Variants in P4HA1 observed in about 807,000 individuals in gnomAD.
P4HA1 encodes prolyl 4-hydroxylase subunit alpha-1.
Under a neutral mutation model 72.8 loss-of-function variants are expected in P4HA1, and 24 were observed. The observed-to-expected ratio is 0.33, with a 90% CI of 0.24 to 0.46. The LOEUF (loss-of-function observed/expected upper bound fraction) is 0.46, where lower values mean the gene tolerates loss of function less well. P4HA1 is among the 20% of genes least tolerant of loss of function. The probability of loss-of-function intolerance (pLI) is 1.00; values close to 1 mark genes in which losing one functional copy is unlikely to be tolerated. For missense variants in P4HA1, 446 were observed against 640.6 expected (o/e 0.70, Z 3.28); for synonymous variants, 201 against 218.8 (o/e 0.92, Z 0.72).
intron 9 of P4HA1, among the ~76,000 whole-genome samples, chr10:73,032,957 G>T (rs1373436038): frequency 6.6e-6 from 1 of 152,062 alleles, no homozygotes; most frequent in Non-Finnish European, 1.5e-5. Flanking sequence ...CAAATTTTTT[G>T]GGACTGGCTG....
chr10:73,065,901 G>T (rs1841409282), intron 5 of P4HA1, among the ~76,000 whole-genome samples: 1 of 152,000 alleles, frequency 6.6e-6, no homozygotes, highest in Non-Finnish European at 1.5e-5. Flanking sequence ...AGATGAATCT[G>T]ATCAACACAG....
intron 10 of P4HA1, among the ~76,000 whole-genome samples, chr10:73,028,106 G>A (rs988723445): frequency 6.6e-6 from 1 of 152,136 alleles, no homozygotes; most frequent in Non-Finnish European, 1.5e-5. Context: ...TGGACTCTGA[G>A]TGGGTTGCTG....
At chr10:73,050,408 T>A (rs929301355) in intron 7 of P4HA1, among the ~76,000 whole-genome samples, 2 of 151,794 alleles carry the variant, frequency 1.3e-5, no homozygotes, top group African/African-American at 2.4e-5. Context: ...ATTTTTTTTT[T>A]AAAGTTTTTT....
At chr10:73,025,663 A>T (rs1361595603) in intron 10 of P4HA1, among the ~76,000 whole-genome samples, 1 of 152,202 alleles carries the variant, frequency 6.6e-6, no homozygotes, top group South Asian at 2.1e-4. Flanking sequence ...GGAAAACAGG[A>T]AGTCAAATTG....
At chr10:73,062,746 G>C (rs749784984) in intron 5 of P4HA1, among the ~76,000 whole-genome samples, 16 of 152,224 alleles carry the variant, frequency 1.1e-4, no homozygotes, top group Non-Finnish European at 2.1e-4. Flanking sequence ...TTAAAAAGAT[G>C]CTAACAGAAA....
chr10:73,022,153 G>A (rs1045656537), intron 10 of P4HA1, among the ~76,000 whole-genome samples: 4 of 152,184 alleles, frequency 2.6e-5, no homozygotes, highest in Non-Finnish European at 4.4e-5. Context: ...CTCCCAGGAT[G>A]GCATTTGAGC....
At chr10:73,022,578 C>A (rs1001541811) in intron 10 of P4HA1, among the ~76,000 whole-genome samples, 1 of 152,142 alleles carries the variant, frequency 6.6e-6, no homozygotes, top group Non-Finnish European at 1.5e-5. Context: ...AAGATCAGAG[C>A]ACCTCCTCTC....
chr10:73,021,926 C>T (rs1840144808), intron 10 of P4HA1, among the ~76,000 whole-genome samples: 1 of 152,226 alleles, frequency 6.6e-6, no homozygotes. Flanking sequence ...GAGGTTGCAG[C>T]CTGGCTGGAG....
chr10:73,085,243 GAAAT>G (rs1456784035), intron 1 of P4HA1, among the ~76,000 whole-genome samples: 3 of 152,074 alleles, frequency 2.0e-5, no homozygotes, highest in Non-Finnish European at 2.9e-5. Flanking sequence ...AGAAGCCAAA[GAAAT>G]AAATAAATTG....
chr10:73,077,029 A>G (rs1236032930), intron 1 of P4HA1, among the ~76,000 whole-genome samples: 1 of 152,258 alleles, frequency 6.6e-6, no homozygotes, highest in Non-Finnish European at 1.5e-5. Context: ...AGTTACTTCC[A>G]GAACCACACA....
At chr10:73,043,125 T>C (rs1840776105) in intron 9 of P4HA1, among the ~76,000 whole-genome samples, 1 of 152,192 alleles carries the variant, frequency 6.6e-6, no homozygotes, top group Admixed American at 6.5e-5. Flanking sequence ...ATTATTCACA[T>C]TTGTTAATCT....
intron 13 of P4HA1, among the ~76,000 whole-genome samples, chr10:73,010,586 T>G (rs1286758927): frequency 1.3e-5 from 2 of 152,136 alleles, no homozygotes; most frequent in Non-Finnish European, 2.9e-5. Context: ...AAATGTAATT[T>G]GGTCAGGCAC....
intron 10 of P4HA1, among the ~76,000 whole-genome samples, chr10:73,028,597 A>G (rs961693644): frequency 6.6e-6 from 1 of 151,940 alleles, no homozygotes; most frequent in Non-Finnish European, 1.5e-5. Context: ...ACGCCCAGCT[A>G]ATTTTTTTGT....
intron 5 of P4HA1, among the ~76,000 whole-genome samples, chr10:73,061,105 C>G (rs944268504): frequency 6.6e-5 from 10 of 152,092 alleles, no homozygotes; most frequent in African/African-American, 2.4e-4. Context: ...GCTGCCAAAA[C>G]CAGTAGATAA....
In P4HA1 at chr10:73,079,698, C is replaced by T. The variant is rs1841780967; in HGVS notation, c.-32-4783G>A. ...CGGAGGTTCCTGTGGGCTGAGATCT[C>T]GCCATTGCACTCCAGCCTGGGAGAC... On this transcript the variant is annotated intron_variant, in intron 1 of 14. Transcript: ENST00000394890. 2.6e-5 allele frequency among the ~76,000 whole-genome samples: 4 copies of T among 151,760 alleles called. No individual in the cohort carries two copies. In the South Asian group the frequency reaches 8.3e-4, roughly 32 times the overall value.
At chr10:73,053,226 CAAGTAAAGCTCCTGACTTCTAAA>C in intron 6 of P4HA1, 102 bp downstream of exon 6, 1 of 880,986 alleles carries the variant, frequency 1.1e-6, no homozygotes, top group South Asian at 1.8e-5. Flanking sequence ...GTATATTTAA[CAAGTAAAGCTCCTGACTTCTAAA>C]AAGTAAGAAA....
rs1012364387 is a variant in P4HA1 at position 73,082,553 on chromosome 10, T to C, written c.-32-7638A>G. 2.0e-5 allele frequency: 3 copies of C among 152,312 alleles called. No homozygotes were observed. In the South Asian group the frequency reaches 6.2e-4, roughly 32 times the overall value. The allele number at this position is 152,312 out of a possible 1,614,324, so 9.4% of individuals were successfully genotyped here. A position where few individuals can be genotyped will look rare whatever the true frequency, so the allele number is the denominator to read the frequency against. The stretch of plus-strand genomic sequence containing the variant: ...AAAAAACAAAGAAACCTGTAACTCA[T>C]TGTGATCAATTAGTTGTAAACACCA... On this transcript the variant is annotated intron_variant, in intron 1 of 14. Coordinates refer to ENST00000394890, the MANE Select transcript of P4HA1 (RefSeq NM_001017962.3).
rs1156291267 is a variant in P4HA1, at chr10:73,039,324, G to GT, written c.1148+5656dup. ...CCTTTTTTGTTTTATGGGTTTGTTT[G>GT]TTTTTTGAGTCTCGCTCTGTTGCCC... On this transcript the variant is annotated intron_variant, in intron 9 of 14. Coordinates refer to ENST00000394890, the MANE Select transcript of P4HA1 (RefSeq NM_001017962.3). Among the ~76,000 whole-genome samples, 53 of 151,822 alleles carry GT rather than the reference G, an allele frequency of 3.5e-4. 1 individual carries two copies. The highest frequency in any genetic ancestry group is 3.4e-3 in the Middle Eastern group (1 of 294).
At chr10:73,009,288 TC>T (rs976757102) in intron 14 of P4HA1, among the ~76,000 whole-genome samples, 3 of 146,336 alleles carry the variant, frequency 2.1e-5, no homozygotes, top group Admixed American at 1.3e-4. Context: ...AAAAATGTGG[TC>T]CTGCACTTGC....
Sources: allele counts gnomAD v4.1 joint callset (sites outside exome capture counted in the v4.1 genomes callset), GRCh38; gene constraint gnomAD v4.1.1; transcripts MANE v1.5; gene names NCBI Gene and HGNC (gene_info 2026-07-23, HGNC 2026-07-21).